CAMKMT: variants seen among roughly 807,000 people sequenced by gnomAD.
The protein encoded by CAMKMT is calmodulin-lysine N-methyltransferase.
In CAMKMT, 53 loss-of-function variants were observed where a neutral mutation model predicts 48.0. The observed-to-expected ratio is 1.10, with a 90% confidence interval of 0.89 to 1.39. The LOEUF is 1.39. CAMKMT is among the 40% of genes most tolerant of loss of function. CAMKMT has a pLI of 0.00. For synonymous variants in CAMKMT, 165 were observed against 152.3 expected, an observed-to-expected ratio of 1.08 and a Z score of -0.61; for missense variants, 428 against 402.7, an observed-to-expected ratio of 1.06 and a Z score of -0.54.
chr2:44,499,792 G>A lies in CAMKMT; in HGVS notation c.376+109487G>A, dbSNP rs192403925. ...AATTTTGTAGGAGTCTCACATGAAA[G>A]GCTTTTGGCACAATAGCACTGAGTA... is the stretch of plus-strand genomic sequence containing the variant. On this transcript the variant is annotated intron_variant, in intron 3 of 10. Coordinates refer to ENST00000378494, the MANE Select transcript of CAMKMT (RefSeq NM_024766.5). 2.0e-5 allele frequency among the ~76,000 whole-genome samples: 3 copies of A among 152,264 alleles called. No individual in the cohort carries two copies. In the East Asian group the frequency reaches 5.8e-4, roughly 29 times the overall value.
intron 3 of CAMKMT, among the ~76,000 whole-genome samples, chr2:44,687,405 G>A (rs1194804310): frequency 6.6e-6 from 1 of 152,140 alleles, no homozygotes; most frequent in East Asian, 1.9e-4. Context: ...GCAACATATA[G>A]TAAGGATTCA....
At chr2:44,416,048 G>A (rs974349992) in intron 3 of CAMKMT, among the ~76,000 whole-genome samples, 2 of 152,168 alleles carry the variant, frequency 1.3e-5, no homozygotes, top group African/African-American at 4.8e-5. Context: ...CTGAATAATT[G>A]TTTCAGTTAA....
At chr2:44,409,103 A>G (rs1474379967) in intron 3 of CAMKMT, among the ~76,000 whole-genome samples, 1 of 7,996 alleles carries the variant, frequency 1.3e-4, no homozygotes, top group African/African-American at 2.1e-4. Context: ...ATATATATAT[A>G]TATATATATA....
intron 3 of CAMKMT, among the ~76,000 whole-genome samples, chr2:44,412,042 C>T (rs952300148): frequency 2.4e-5 from 3 of 125,418 alleles, no homozygotes; most frequent in South Asian, 2.5e-4. Flanking sequence ...CTGAATCCTC[C>T]GTAATTCTTC....
intron 3 of CAMKMT, among the ~76,000 whole-genome samples, chr2:44,626,058 C>T (rs866906481): frequency 1.3e-5 from 2 of 152,064 alleles, no homozygotes; most frequent in African/African-American, 4.8e-5. Flanking sequence ...AAGAAGAAGG[C>T]TGTTGTGATT....
intron 2 of CAMKMT, among the ~76,000 whole-genome samples, chr2:44,389,048 G>A (rs1681056941): frequency 6.6e-6 from 1 of 152,142 alleles, no homozygotes; most frequent in South Asian, 2.1e-4. Flanking sequence ...GGAACTGGTG[G>A]TGGGCGGGGC....
intron 3 of CAMKMT, among the ~76,000 whole-genome samples, chr2:44,553,070 G>A (rs769163457): frequency 2.0e-5 from 3 of 152,160 alleles, no homozygotes; most frequent in Admixed American, 6.6e-5. Context: ...AGTACTAGAT[G>A]TGTGCTATGA....
Position 44,362,072 on chromosome 2 carries a change from C to A in CAMKMT, c.65C>A (p.Ala22Glu). 6.9e-7 allele frequency: 1 copy of A among 1,445,360 alleles called. No individual in the cohort carries two copies. Among genetic ancestry groups the A allele is most frequent in the South Asian group, 1.4e-5 (1 of 70,622 alleles). 89.5% of individuals were successfully genotyped at this position (1,445,360 alleles called of 1,614,324 possible). The change falls in exon 1 of 11, where the codon GCA (alanine) becomes GAA (glutamate). Residue 22 changes from alanine to glutamate, a missense_variant. Coordinates refer to ENST00000378494, the MANE Select transcript of CAMKMT (RefSeq NM_024766.5). ...ETARAAGGSP[A>E]VGCTTRGPVV... ...GCGCGAGCAGCGGGCGGGAGTCCGG[C>A]AGTTGGCTGCACCACTCGGGGGCCC...
chr2:44,530,427 T>A (rs1666420358), intron 3 of CAMKMT, among the ~76,000 whole-genome samples: 1 of 152,212 alleles, frequency 6.6e-6, no homozygotes, highest in South Asian at 2.1e-4. Flanking sequence ...AAAGAATTTT[T>A]AGATATTCAT....
chr2:44,743,376 C>T (rs1679785910), intron 7 of CAMKMT, among the ~76,000 whole-genome samples: 1 of 152,158 alleles, frequency 6.6e-6, no homozygotes, highest in African/African-American at 2.4e-5. Flanking sequence ...AGTTTGTCTA[C>T]AAAAACCTAT....
At chr2:44,416,472 C>T (rs1683558069) in intron 3 of CAMKMT, among the ~76,000 whole-genome samples, 2 of 151,740 alleles carry the variant, frequency 1.3e-5, no homozygotes, top group Non-Finnish European at 2.9e-5. Context: ...GATCTACTCT[C>T]TGTCACTATT....
intron 3 of CAMKMT, among the ~76,000 whole-genome samples, chr2:44,491,063 A>G (rs1269395788): frequency 6.7e-6 from 1 of 150,008 alleles, no homozygotes; most frequent in African/African-American, 2.4e-5. Flanking sequence ...AGGTGGGAGG[A>G]TGGCTCAAGC....
chr2:44,380,661 A>G (rs374678487), intron 2 of CAMKMT, among the ~76,000 whole-genome samples: 1 of 152,222 alleles, frequency 6.6e-6, no homozygotes, highest in Non-Finnish European at 1.5e-5. Flanking sequence ...TATAATTAGA[A>G]CTAACTTCTT....
At chr2:44,521,724 GA>G (rs1375696110) in intron 3 of CAMKMT, among the ~76,000 whole-genome samples, 8 of 152,206 alleles carry the variant, frequency 5.3e-5, no homozygotes, top group Non-Finnish European at 1.5e-5. Context: ...CTTCCATAAA[GA>G]CAGGTTATAA....
intron 3 of CAMKMT, among the ~76,000 whole-genome samples, chr2:44,608,613 A>G (rs1381774139): frequency 1.3e-5 from 2 of 152,226 alleles, no homozygotes; most frequent in East Asian, 3.9e-4. Context: ...CATACCATCA[A>G]ATATTCAAAG....
At chr2:44,710,665 A>G (rs1226794193) in intron 6 of CAMKMT, among the ~76,000 whole-genome samples, 2 of 152,208 alleles carry the variant, frequency 1.3e-5, no homozygotes, top group Middle Eastern at 3.4e-3. Flanking sequence ...GAAATCTTCA[A>G]CTGCCCACAT....
chr2:44,575,806 A>C (rs1324781622), intron 3 of CAMKMT, among the ~76,000 whole-genome samples: 1 of 151,018 alleles, frequency 6.6e-6, no homozygotes, highest in Non-Finnish European at 1.5e-5. Flanking sequence ...GCAGTCAGCC[A>C]TGTAACTGCA....
intron 3 of CAMKMT, among the ~76,000 whole-genome samples, chr2:44,650,282 C>T (rs974297964): frequency 6.6e-6 from 1 of 152,138 alleles, no homozygotes; most frequent in Non-Finnish European, 1.5e-5. Flanking sequence ...TTGTCGTCAC[C>T]TGGTGCTCTC....
At chr2:44,730,090 G>A (rs1679000302) in intron 7 of CAMKMT, among the ~76,000 whole-genome samples, 1 of 152,180 alleles carries the variant, frequency 6.6e-6, no homozygotes, top group South Asian at 2.1e-4. Context: ...AAGAAGAAGA[G>A]GAGAAAGATG....
Sources: gnomAD v4.1 joint callset for allele counts (sites outside exome capture counted in the v4.1 genomes callset) on GRCh38, gnomAD v4.1.1 for gene constraint, MANE v1.5 for transcripts, NCBI Gene and HGNC (gene_info 2026-07-23, HGNC 2026-07-21) for gene names.